The following PIK3C2G variants were observed in gnomAD, a reference collection of about 807,000 sequenced individuals.
PIK3C2G encodes the protein phosphatidylinositol-4-phosphate 3-kinase catalytic subunit type 2 gamma, also known as phosphatidylinositol 3-kinase C2 domain-containing subunit gamma.
In PIK3C2G, 168 loss-of-function variants were observed where a neutral mutation model predicts 181.1. The observed-to-expected ratio is 0.93, with a 90% confidence interval of 0.82 to 1.05. The LOEUF is 1.05. PIK3C2G is among the 50% of genes least tolerant of loss of function. The pLI is 0.00. For synonymous variants in PIK3C2G, 573 were observed against 592.2 expected, an observed-to-expected ratio of 0.97 and a Z score of 0.47; for missense variants, 1,869 against 1,732.8, an observed-to-expected ratio of 1.08 and a Z score of -1.40.
At chr12:18,388,670 C>G (rs779515153) in intron 14 of PIK3C2G, among the ~76,000 whole-genome samples, 2 of 152,152 alleles carry the variant, frequency 1.3e-5, no homozygotes, top group Non-Finnish European at 1.5e-5. Flanking sequence ...CCCAGGGGCA[C>G]CTTATGGGTA....
chr12:18,658,119 AAAGT>A, the PIK3C2G span, among the ~76,000 whole-genome samples: 1 of 152,170 alleles, frequency 6.6e-6, no homozygotes, highest in Non-Finnish European at 1.5e-5. Flanking sequence ...AGCAAACTTG[AAAGT>A]AAGTTCATTG....
intron 16 of PIK3C2G, 139 bp downstream of exon 16, chr12:18,399,986 T>C (rs1944154332): frequency 8.6e-6 from 4 of 465,300 alleles, no homozygotes; most frequent in African/African-American, 2.0e-5. Context: ...TTTAGATAAA[T>C]GTAAGCTATG....
chr12:18,330,206 G>A (rs555531558), intron 8 of PIK3C2G, among the ~76,000 whole-genome samples: 50 of 152,156 alleles, frequency 3.3e-4, no homozygotes, highest in African/African-American at 1.1e-3. Context: ...CATGTTAAGT[G>A]GGTAGTTTGA....
intron 26 of PIK3C2G, among the ~76,000 whole-genome samples, chr12:18,556,072 T>C (rs1309496027): frequency 3.9e-5 from 6 of 152,160 alleles, no homozygotes; most frequent in Non-Finnish European, 8.8e-5. Context: ...GCACATAGAA[T>C]AGTGCCTAGC....
Position 18,619,508 on chromosome 12 carries a change from A to T in PIK3C2G, c.4182+9879A>T, listed in dbSNP as rs1422336692. On this transcript the variant is annotated intron_variant, in intron 31 of 32. Transcript: ENST00000538779. ...TTATCACATAGGTAATTAGTGTTAT[A>T]ATTTTTTTCTGAGTAATGCTTTAGC... Among the ~76,000 whole-genome samples the T allele has an allele frequency of 2.0e-5, 3 of 152,190 alleles. No homozygotes were observed. In the East Asian group the frequency reaches 5.8e-4, roughly 29 times the overall value.
rs1341466818 is a variant in PIK3C2G at position 18,282,366 on chromosome 12, A to C, written c.285A>C (p.Glu95Asp). ...ATGAATTCACTTCTAAAAGCCGTGA[A>C]CTCTCCTGGCATCAAGTTAGCAAAG... ...SLNEFTSKSR[E>D]LSWHQVSKAP... Residue 95 changes from glutamate to aspartate, a missense_variant, in exon 2 of 33, where the codon GAA becomes GAC. By Grantham distance (45) the Glu-to-Asp change is conservative. Coordinates refer to ENST00000538779, the MANE Select transcript of PIK3C2G (RefSeq NM_001288772.2). 1 of 1,613,584 alleles carries C rather than the reference A, an allele frequency of 6.2e-7. No homozygotes were observed. Among genetic ancestry groups the C allele is most frequent in the Non-Finnish European group, 8.5e-7 (1 of 1,179,690 alleles).
intron 31 of PIK3C2G, among the ~76,000 whole-genome samples, chr12:18,615,917 A>T (rs2136637287): frequency 6.6e-6 from 1 of 152,206 alleles, no homozygotes; most frequent in African/African-American, 2.4e-5. Context: ...GTACTATACA[A>T]TCTAGCTATA....
intron 10 of PIK3C2G, among the ~76,000 whole-genome samples, chr12:18,346,395 T>G (rs11044038): frequency 0.016 from 2,506 of 152,272 alleles, 73 homozygotes; most frequent in African/African-American, 0.056. Context: ...TCCAAATTGT[T>G]ATGAAAAGGC....
rs561393714 is a variant in PIK3C2G, at chr12:18,334,277, A to G, written c.1273-4149A>G. Among the ~76,000 whole-genome samples the G allele has an allele frequency of 3.9e-5, 6 of 152,228 alleles. No homozygotes were observed. The East Asian group carries it at 1.2e-3, about 30-fold the overall frequency. On this transcript the variant is annotated intron_variant, in intron 8 of 32. Transcript: ENST00000538779. ...AACAGGCAGCCTACGCAGTTTTTGG[A>G]CAAATAATTTTAAGAAAAATTTTTC... is the stretch of plus-strand genomic sequence containing the variant.
chr12:18,469,538 A>G lies in PIK3C2G; in HGVS notation c.2505-18911A>G, dbSNP rs536333657. 1.6e-4 allele frequency among the ~76,000 whole-genome samples: 24 copies of G among 152,206 alleles called. No individual in the cohort carries two copies. The South Asian group carries it at 2.1e-3, about 13-fold the overall frequency. ...ATTTTTCAAATTGTAGTTGAAGTTT[A>G]TTTAAACTATTAAATATACTACTCT... On this transcript the variant is annotated intron_variant, in intron 18 of 32. Coordinates refer to ENST00000538779, the MANE Select transcript of PIK3C2G (RefSeq NM_001288772.2).
At chr12:18,421,429 GATA>G (rs1427425042) in intron 17 of PIK3C2G, among the ~76,000 whole-genome samples, 1 of 151,828 alleles carries the variant, frequency 6.6e-6, no homozygotes, top group Non-Finnish European at 1.5e-5. Flanking sequence ...TTATAATATT[GATA>G]ATAAATTTTA....
chr12:18,344,925 A>G (rs1391932927), intron 10 of PIK3C2G, among the ~76,000 whole-genome samples: 5 of 152,196 alleles, frequency 3.3e-5, no homozygotes, highest in African/African-American at 4.8e-5. Flanking sequence ...ATACATCTCT[A>G]TGCAAACTCA....
At chr12:18,406,197 T>C (rs1389457803) in intron 16 of PIK3C2G, among the ~76,000 whole-genome samples, 1 of 152,182 alleles carries the variant, frequency 6.6e-6, no homozygotes, top group Non-Finnish European at 1.5e-5. Context: ...CGTGCTATCA[T>C]AAATAACAGA....
At chr12:18,499,658 A>C (rs1437455449) in intron 22 of PIK3C2G, among the ~76,000 whole-genome samples, 1 of 152,214 alleles carries the variant, frequency 6.6e-6, no homozygotes, top group African/African-American at 2.4e-5. Flanking sequence ...CCCCCAACCC[A>C]AGCGCACTAA....
intron 29 of PIK3C2G, among the ~76,000 whole-genome samples, chr12:18,591,718 A>G (rs1427923543): frequency 6.6e-6 from 1 of 151,946 alleles, no homozygotes; most frequent in Non-Finnish European, 1.5e-5. Context: ...ATGCAGAATC[A>G]CTACAGGTTT....
At chr12:18,708,646 T>G in the PIK3C2G span, among the ~76,000 whole-genome samples, 1 of 152,162 alleles carries the variant, frequency 6.6e-6, no homozygotes, top group South Asian at 2.1e-4. Flanking sequence ...GGTTCCCTTT[T>G]TGCCACGCCC....
At chr12:18,537,453 T>C (rs1179063647) in intron 24 of PIK3C2G, among the ~76,000 whole-genome samples, 1 of 151,560 alleles carries the variant, frequency 6.6e-6, no homozygotes, top group African/African-American at 2.4e-5. Context: ...TATCCGTATC[T>C]TAAATGACAT....
chr12:18,409,288 A>G (rs777088435), intron 16 of PIK3C2G, among the ~76,000 whole-genome samples: 1 of 152,180 alleles, frequency 6.6e-6, no homozygotes, highest in Non-Finnish European at 1.5e-5. Flanking sequence ...TCAGCAAACT[A>G]ACATGAGAAC....
chr12:18,655,060 A>T, the PIK3C2G span, among the ~76,000 whole-genome samples: 1 of 151,854 alleles, frequency 6.6e-6, no homozygotes. Context: ...ATAATAAAAA[A>T]AAATACCAGA....
Sources: gnomAD v4.1 joint callset for allele counts (sites outside exome capture counted in the v4.1 genomes callset) on GRCh38, gnomAD v4.1.1 for gene constraint, MANE v1.5 for transcripts, NCBI Gene and HGNC (gene_info 2026-07-23, HGNC 2026-07-21) for gene names.